The following ADGRG1 variants were observed in gnomAD, a reference collection of about 807,000 sequenced individuals.
The protein encoded by ADGRG1 is 7-transmembrane protein with no EGF-like N-terminal domains-1.
Under a neutral mutation model 73.5 loss-of-function variants are expected in ADGRG1, and 53 were observed. That is an observed-to-expected ratio of 0.72 (90% CI 0.58 to 0.91). The LOEUF is 0.91. Among genes scored for constraint, ADGRG1 ranks in the 40% least tolerant of loss-of-function variants. ADGRG1 has a pLI of 0.00. For synonymous variants in ADGRG1, 394 were observed against 374.4 expected (o/e 1.05, Z -0.60); for missense variants, 795 against 871.8 (o/e 0.91, Z 1.11).
At chr16:57,639,418 C>T (rs189913233) in intron 1 of ADGRG1, 177 of 985,458 alleles carry the variant, frequency 1.8e-4, no homozygotes, top group South Asian at 1.7e-3. Flanking sequence ...CTGTCACCTG[C>T]GCCCCTTCTC....
At chr16:57,638,279 T>C (rs1301040397) in intron 1 of ADGRG1, among the ~76,000 whole-genome samples, 1 of 152,182 alleles carries the variant, frequency 6.6e-6, no homozygotes, top group Non-Finnish European at 1.5e-5. Context: ...CCTTACCAGC[T>C]AGGTGGCTCA....
intron 4 of ADGRG1, 28 bp downstream of exon 4, chr16:57,653,363 G>T: frequency 1.2e-6 from 2 of 1,603,802 alleles, no homozygotes; most frequent in South Asian, 1.1e-5. Flanking sequence ...GGCTGTGAGG[G>T]GAGGCAGGAA....
intron 1 of ADGRG1, chr16:57,642,280 C>A (rs1274971506): frequency 8.1e-6 from 8 of 985,366 alleles, no homozygotes; most frequent in Non-Finnish European, 9.6e-6. Context: ...GTGGGATAGG[C>A]CTGAATATAC....
rs200890749 is a variant in ADGRG1, at chr16:57,650,370, G to A, written c.64+19G>A. On this transcript the variant is annotated intron_variant, in intron 2 of 13. Coordinates refer to ENST00000562631, the MANE Select transcript of ADGRG1 (RefSeq NM_201525.4). Reference sequence around the variant, plus strand: ...GTCCAAGGCAGGTCTTCCCAGGGGTGCCCTGGGCTGTTGGAACTTACGTTA... The same window carrying A: ...GTCCAAGGCAGGTCTTCCCAGGGGTACCCTGGGCTGTTGGAACTTACGTTA... The A allele has an allele frequency of 1.3e-6, 2 of 1,596,094 alleles. No individual in the cohort carries two copies. Among genetic ancestry groups the A allele is most frequent in the South Asian group, 1.1e-5 (1 of 90,772 alleles).
intron 1 of ADGRG1, chr16:57,635,964 C>T: frequency 4.1e-6 from 4 of 985,410 alleles, no homozygotes; most frequent in Non-Finnish European, 4.8e-6. Flanking sequence ...CTGCCCTGCC[C>T]CAGCTCTGCC....
chr16:57,654,931 G>T (rs76760156), intron 5 of ADGRG1: 8,123 of 261,492 alleles, frequency 0.031, 497 homozygotes, highest in East Asian at 0.3. Context: ...CGTTGTCCAG[G>T]TTGGTCTTGA....
chr16:57,624,378 A>C (rs888992238), upstream of ADGRG1: 1 of 153,338 alleles, frequency 6.5e-6, no homozygotes, highest in Non-Finnish European at 1.4e-5. Flanking sequence ...GGGCATGCCT[A>C]TAGTCCTAGC....
At chr16:57,626,459 C>T (rs1353416365), upstream of ADGRG1, 1 of 323,112 alleles carries the variant, frequency 3.1e-6, no homozygotes, top group Non-Finnish European at 4.4e-6. Context: ...AGGCTTGTCT[C>T]TCTAGCCAGA....
intron 12 of ADGRG1, 128 bp from the exon 13 acceptor site, chr16:57,661,569 A>C: frequency 5.9e-6 from 9 of 1,512,784 alleles, no homozygotes; most frequent in Non-Finnish European, 8.0e-6. Flanking sequence ...TTACATCAAC[A>C]CTGTAAATAG....
At chr16:57,662,606 A>C (rs1288976286) in intron 13 of ADGRG1, among the ~76,000 whole-genome samples, 5 of 151,996 alleles carry the variant, frequency 3.3e-5, no homozygotes, top group African/African-American at 9.7e-5. Flanking sequence ...CTCCAGGCAG[A>C]GGGAGAGGCA....
chr16:57,633,986 AC>A lies in ADGRG1; in HGVS notation c.-36+5187del, dbSNP rs1444372024. 7.2e-6 allele frequency: 5 copies of A among 696,520 alleles called. No homozygotes were observed. The East Asian group carries it at 5.3e-4, about 74-fold the overall frequency. 43.1% of individuals were successfully genotyped at this position (696,520 alleles called of 1,614,324 possible). A position where few individuals can be genotyped will look rare whatever the true frequency, so the allele number is the denominator to read the frequency against. ...CCAGGTTTTGGAGTGAGTTAATGTG[AC>A]CCTGGGCTGGGGAGCTGAGCTGGAG... On this transcript the variant is annotated intron_variant, in intron 1 of 13. Transcript: ENST00000562631.
intron 9 of ADGRG1, 75 bp downstream of exon 9, chr16:57,656,692 T>C: frequency 1.1e-6 from 1 of 897,042 alleles, no homozygotes; most frequent in South Asian, 1.3e-5. Flanking sequence ...TTTTCATATA[T>C]TCAGTCATTT....
intron 1 of ADGRG1, chr16:57,629,880 G>A (rs2147223764): frequency 3.1e-6 from 1 of 324,004 alleles, no homozygotes; most frequent in East Asian, 1.7e-4. Context: ...TAGAGTTGGG[G>A]TCTCCCTGTG....
chr16:57,634,883 G>C, intron 1 of ADGRG1: 1 of 797,616 alleles, frequency 1.3e-6, no homozygotes, highest in Non-Finnish European at 1.5e-6. Flanking sequence ...TTGTGGGCAG[G>C]TGGTGCCTCT....
intron 13 of ADGRG1, 140 bp downstream of exon 13, chr16:57,662,105 C>T: frequency 1.3e-6 from 1 of 755,106 alleles, no homozygotes; most frequent in South Asian, 1.5e-5. Context: ...GACATCCAGG[C>T]CACAGTCAAC....
chr16:57,626,610 G>A, upstream of ADGRG1: 1 of 985,334 alleles, frequency 1.0e-6, no homozygotes. Context: ...TCTCCTATGT[G>A]GCCAGAGTGG....
In ADGRG1 at chr16:57,628,897, T is replaced by TGTGAGA. The variant is rs1567667337; in HGVS notation, c.-36+100_-36+101insAGTGAG. The TGTGAGA allele has an allele frequency of 1.8e-5, 15 of 855,048 alleles. No individual in the cohort carries two copies. The African/African-American group carries it at 3.5e-4, about 20-fold the overall frequency. The allele number at this position is 855,048 out of a possible 1,614,324, so 53.0% of individuals were successfully genotyped here. On this transcript the variant is annotated intron_variant, in intron 1 of 13. Transcript: ENST00000562631. ...GCGTGAGTGTGTGAGAGTGTGAGTG[T>TGTGAGA]GTGAGTGTGAGTGTGTGAGAGTGAG...
At position 57,661,761 on chromosome 16, in the gene ADGRG1, C is replaced by G; in HGVS notation, c.1729C>G (p.Leu577Val). 1 of 1,614,236 alleles carries G rather than the reference C, an allele frequency of 6.2e-7. No homozygotes were observed. Among genetic ancestry groups the G allele is most frequent in the Non-Finnish European group, 8.5e-7 (1 of 1,180,042 alleles). Residue 577 changes from leucine (L) to valine (V), a missense_variant, in exon 13 of 14, where the codon CTG becomes GTG. Transcript: ENST00000562631. The stretch of plus-strand genomic sequence containing the variant: ...CCTGGGCCTCTTCAGCCTGGTGTTT[C>G]TGTTCAACATGGCCATGCTAGCCAC... ...TNLGLFSLVF[L>V]FNMAMLATMV...
At chr16:57,628,091 T>G, upstream of ADGRG1, 2 of 985,010 alleles carry the variant, frequency 2.0e-6, no homozygotes, top group Non-Finnish European at 2.4e-6. Flanking sequence ...GGTCAGCCGG[T>G]CAGTCGTGCG....
Sources: allele counts gnomAD v4.1 joint callset (sites outside exome capture counted in the v4.1 genomes callset), GRCh38; gene constraint gnomAD v4.1.1; transcripts MANE v1.5; gene names NCBI Gene and HGNC (gene_info 2026-07-23, HGNC 2026-07-21).